THSD4: variants seen among roughly 807,000 people sequenced by gnomAD.
THSD4 encodes the protein thrombospondin type-1 domain-containing protein 4.
THSD4 carries 69 observed loss-of-function variants against 119.0 expected under a neutral mutation model. The observed-to-expected ratio is 0.58, with a 90% confidence interval of 0.48 to 0.71. THSD4 has a LOEUF of 0.71. Ranked by LOEUF, THSD4 falls within the 30% of genes least tolerant of loss-of-function variation. The pLI, the probability that THSD4 is intolerant of heterozygous loss-of-function variation, is 0.00. For missense variants in THSD4, 1,393 were observed against 1,391.1 expected (o/e 1.00, Z -0.02); for synonymous variants, 524 against 540.4 (o/e 0.97, Z 0.42).
intron 6 of THSD4, among the ~76,000 whole-genome samples, chr15:71,371,524 T>C (rs1052547568): frequency 1.3e-5 from 2 of 152,190 alleles, no homozygotes; most frequent in Admixed American, 6.5e-5. Flanking sequence ...ATTTTATTTC[T>C]CCTTGGCTTA....
intron 6 of THSD4, among the ~76,000 whole-genome samples, chr15:71,332,524 C>T (rs1244534799): frequency 1.3e-5 from 2 of 152,122 alleles, no homozygotes; most frequent in Non-Finnish European, 2.9e-5. Flanking sequence ...TCAAATTTGC[C>T]CCTTAATTTA....
At chr15:71,660,837 A>G (rs2051291962) in intron 8 of THSD4, 103 bp downstream of exon 8, 5 of 1,329,574 alleles carry the variant, frequency 3.8e-6, no homozygotes, top group African/African-American at 1.4e-5. Flanking sequence ...GTCCCGGGGC[A>G]TGCAGGCAGT....
chr15:71,723,555 A>G (rs370591565), intron 8 of THSD4, among the ~76,000 whole-genome samples: 1 of 152,290 alleles, frequency 6.6e-6, no homozygotes, highest in Admixed American at 6.5e-5. Flanking sequence ...ACTATGCTAG[A>G]CTCTCAAACT....
chr15:71,374,739 G>T (rs2046107577), intron 6 of THSD4, among the ~76,000 whole-genome samples: 1 of 152,152 alleles, frequency 6.6e-6, no homozygotes, highest in African/African-American at 2.4e-5. Context: ...AATTAAGGCA[G>T]CAAAGGAAAA....
chr15:71,625,741 C>G (rs760954793), intron 7 of THSD4, among the ~76,000 whole-genome samples: 1 of 151,924 alleles, frequency 6.6e-6, no homozygotes, highest in African/African-American at 2.4e-5. Flanking sequence ...GCACTGTGCT[C>G]AATGCTAGGA....
chr15:71,581,992 A>AT (rs1001763666), intron 7 of THSD4, among the ~76,000 whole-genome samples: 6 of 152,016 alleles, frequency 3.9e-5, no homozygotes, highest in African/African-American at 9.7e-5. Flanking sequence ...GCTATACAGG[A>AT]TTTTTTGTGG....
At chr15:71,460,272 TAAGC>T (rs1330468014) in intron 7 of THSD4, among the ~76,000 whole-genome samples, 1 of 150,296 alleles carries the variant, frequency 6.7e-6, no homozygotes, top group African/African-American at 2.4e-5. Context: ...TATAGGTAGA[TAAGC>T]AAGGTGGAGA....
chr15:71,590,328 T>C (rs1461996068), intron 7 of THSD4, among the ~76,000 whole-genome samples: 1 of 56,416 alleles, frequency 1.8e-5, no homozygotes, highest in Admixed American at 2.5e-4. Context: ...TTTGAGGCCG[T>C]GTGGACCTGG....
chr15:71,386,128 G>A (rs548815170), intron 6 of THSD4, among the ~76,000 whole-genome samples: 4 of 152,260 alleles, frequency 2.6e-5, no homozygotes, highest in African/African-American at 4.8e-5. Context: ...AAATGCCAAC[G>A]TACAGAAAAG....
intron 6 of THSD4, among the ~76,000 whole-genome samples, chr15:71,292,601 T>G (rs558849837): frequency 1.3e-5 from 2 of 152,276 alleles, no homozygotes; most frequent in East Asian, 3.9e-4. Flanking sequence ...TTCCTTCACA[T>G]AGCATTCTGT....
chr15:71,584,634 T>G (rs1291971542), intron 7 of THSD4, among the ~76,000 whole-genome samples: 2 of 152,204 alleles, frequency 1.3e-5, no homozygotes, highest in Non-Finnish European at 2.9e-5. Context: ...ATAGGCAATG[T>G]ATAGTTGATC....
At chr15:71,108,663 T>C (rs1574742) in intron 1 of THSD4, among the ~76,000 whole-genome samples, 32,372 of 152,072 alleles carry the variant, frequency 0.21, 4,241 homozygotes, top group African/African-American at 0.38. Flanking sequence ...CTGCAACTCA[T>C]TTTTTCCCCT....
Position 71,296,676 on chromosome 15 carries a change from A to G in THSD4, c.1015+39961A>G, listed in dbSNP as rs2044867241. ...CCTGGCTTCATGGACATAAAATTTT[A>G]TCACAGGTTTTTATGTGTTATCACA... On this transcript the variant is annotated intron_variant, in intron 6 of 17. Coordinates refer to ENST00000261862, the MANE Select transcript of THSD4 (RefSeq NM_024817.3). Among the ~76,000 whole-genome samples the G allele has an allele frequency of 2.6e-5, 4 of 152,324 alleles. No homozygotes were observed. The South Asian group carries it at 6.2e-4, about 24-fold the overall frequency.
rs114620210 is a variant in THSD4 at position 71,293,144 on chromosome 15, A to G, written c.1015+36429A>G. On this transcript the variant is annotated intron_variant, in intron 6 of 17. Transcript: ENST00000261862. ...TGGACAGGTCGAAAGTTCTACGTGC[A>G]TGTGCTGCAGATGCCCTGTGCCGTG... is the stretch of plus-strand genomic sequence containing the variant. Among the ~76,000 whole-genome samples the G allele has an allele frequency of 5.7e-3, 871 of 152,278 alleles. 7 individuals are homozygous for G. Among genetic ancestry groups the G allele is most frequent in the African/African-American group, 0.02 (812 of 41,550 alleles).
intron 1 of THSD4, among the ~76,000 whole-genome samples, chr15:71,110,081 A>C: frequency 6.6e-6 from 1 of 152,204 alleles, no homozygotes; most frequent in East Asian, 1.9e-4. Flanking sequence ...TTAGCCTCAA[A>C]CAGAGAAGCT....
Position 71,108,579 on chromosome 15 carries a change from G to T in THSD4, c.-80+11573G>T, listed in dbSNP as rs1490875888. On this transcript the variant is annotated intron_variant, in intron 1 of 17. Coordinates refer to the THSD4 transcript ENST00000355327. ...CAAGGGACAGGACAATGGGGAGGGG[G>T]CTCACTGGAATAGCTCAAGGCCCAC... 3.3e-5 allele frequency among the ~76,000 whole-genome samples: 5 copies of T among 152,250 alleles called. No homozygotes were observed. The East Asian group carries it at 9.7e-4, about 29-fold the overall frequency.
chr15:71,728,518 A>G, intron 8 of THSD4, 31 bp from the exon 9 acceptor site: 2 of 1,610,108 alleles, frequency 1.2e-6, no homozygotes, highest in Non-Finnish European at 8.5e-7. Context: ...CCCTGGGCTT[A>G]CCCAAAGAAC....
intron 8 of THSD4, among the ~76,000 whole-genome samples, chr15:71,705,545 G>A (rs1260318686): frequency 6.6e-6 from 1 of 152,150 alleles, no homozygotes; most frequent in Non-Finnish European, 1.5e-5. Flanking sequence ...TCCTGGAGGT[G>A]TTTTAGAGCC....
At chr15:71,540,457 G>T (rs182078494) in intron 7 of THSD4, among the ~76,000 whole-genome samples, 1,917 of 93,932 alleles carry the variant, frequency 0.02, 31 homozygotes, top group Non-Finnish European at 0.027. Flanking sequence ...TTTTTTAAAC[G>T]AGTCTCTGTC....
Sources: allele counts gnomAD v4.1 joint callset (sites outside exome capture counted in the v4.1 genomes callset), GRCh38; gene constraint gnomAD v4.1.1; transcripts MANE v1.5; gene names NCBI Gene and HGNC (gene_info 2026-07-23, HGNC 2026-07-21).